The following PRIM2 variants were observed in gnomAD, a reference collection of about 807,000 sequenced individuals.
PRIM2 encodes the protein DNA primase subunit 2.
A neutral mutation model predicts 67.3 loss-of-function variants in PRIM2; 39 were observed. The ratio of observed to expected loss-of-function variants is 0.58; its 90% CI spans 0.45 to 0.76. The LOEUF (loss-of-function observed/expected upper bound fraction) is 0.76. PRIM2 is among the 30% of genes least tolerant of loss of function. The pLI is 0.00. For synonymous variants in PRIM2, 143 were observed against 198.7 expected, an observed-to-expected ratio of 0.72 and a Z score of 2.36; for missense variants, 398 against 598.7, an observed-to-expected ratio of 0.66 and a Z score of 3.50.
chr6:57,622,326 C>T (rs1776873928), intron 12 of PRIM2, among the ~76,000 whole-genome samples: 1 of 152,122 alleles, frequency 6.6e-6, no homozygotes, highest in Admixed American at 6.6e-5. Flanking sequence ...TCTAAAATTA[C>T]AGATATGTCA....
At chr6:57,233,757 C>T in the PRIM2 span, among the ~76,000 whole-genome samples, 4 of 151,328 alleles carry the variant, frequency 2.6e-5, no homozygotes, top group Non-Finnish European at 2.9e-5. Flanking sequence ...TCAAGTGATT[C>T]GATCCTTCTG....
At position 57,438,134 on chromosome 6, in the gene PRIM2, A is replaced by G. The variant is rs548382634; in HGVS notation, c.693+55966A>G. ...CGTCTTTTGTTTAAAAGAATCAACT[A>G]AAAATCCATTAGATATTTTTCTCAA... On this transcript the variant is annotated intron_variant, in intron 7 of 13. Coordinates refer to ENST00000615550, the MANE Select transcript of PRIM2 (RefSeq NM_000947.5). 2.0e-5 allele frequency among the ~76,000 whole-genome samples: 3 copies of G among 152,340 alleles called. No homozygotes were observed. In the East Asian group the frequency reaches 5.8e-4, roughly 29 times the overall value.
intron 7 of PRIM2, among the ~76,000 whole-genome samples, chr6:57,384,336 A>G (rs1770061060): frequency 6.6e-6 from 1 of 152,126 alleles, no homozygotes; most frequent in South Asian, 2.1e-4. Context: ...AAGTCTTCAC[A>G]TGGCATTCAC....
At chr6:57,593,717 A>G (rs1776320878) in intron 10 of PRIM2, among the ~76,000 whole-genome samples, 1 of 152,256 alleles carries the variant, frequency 6.6e-6, no homozygotes, top group Admixed American at 6.5e-5. Context: ...TATTTGTTGA[A>G]TTTGTAAATT....
chr6:57,560,884 T>C (rs1775614024), intron 10 of PRIM2, among the ~76,000 whole-genome samples: 1 of 152,176 alleles, frequency 6.6e-6, no homozygotes, highest in African/African-American at 2.4e-5. Flanking sequence ...GTTAGCATAA[T>C]TCGTAAGGGC....
chr6:57,325,997 G>A lies in PRIM2; in HGVS notation c.411G>A (p.Lys137=). The change falls in exon 5 of 14, where the codon AAG becomes AAA. Residue 137 remains lysine (K), a synonymous_variant. Coordinates refer to ENST00000615550, the MANE Select transcript of PRIM2 (RefSeq NM_000947.5). ...GATTTAGATTTAGTATTTTACCCAA[G>A]GATAAAATTCAGGATTTCTTAAAGG... ...LLRFRFSILP[K]DKIQDFLKDS... is the part of the protein sequence containing the mutation. 1.2e-6 allele frequency: 2 copies of A among 1,612,708 alleles called. No individual in the cohort carries two copies. Among genetic ancestry groups the A allele is most frequent in the Non-Finnish European group, 1.7e-6 (2 of 1,179,504 alleles).
the PRIM2 span, among the ~76,000 whole-genome samples, chr6:57,231,047 A>G: frequency 2.6e-5 from 4 of 152,226 alleles, no homozygotes; most frequent in Admixed American, 2.6e-4. Flanking sequence ...TGGTGAGGAC[A>G]TTTGAAATGT....
At chr6:57,614,236 CTAA>C (rs1776715017) in intron 12 of PRIM2, among the ~76,000 whole-genome samples, 1 of 152,176 alleles carries the variant, frequency 6.6e-6, no homozygotes, top group African/African-American at 2.4e-5. Context: ...GAGAATCGAA[CTAA>C]TAATGTCTGA....
At chr6:57,352,721 G>GT (rs1357831534) in intron 5 of PRIM2, among the ~76,000 whole-genome samples, 1 of 123,048 alleles carries the variant, frequency 8.1e-6, no homozygotes, top group Non-Finnish European at 1.9e-5. Context: ...ATCTGGCACC[G>GT]TTTTTTAGTT....
chr6:57,485,590 G>C (rs1401284923), intron 7 of PRIM2, among the ~76,000 whole-genome samples: 2 of 152,312 alleles, frequency 1.3e-5, no homozygotes, highest in East Asian at 3.9e-4. Flanking sequence ...AGGTCTCTAA[G>C]ACAGAGTAGA....
chr6:57,569,628 G>A (rs1655527540), intron 10 of PRIM2, among the ~76,000 whole-genome samples: 1 of 151,976 alleles, frequency 6.6e-6, no homozygotes, highest in African/African-American at 2.4e-5. Flanking sequence ...AATAGAATTT[G>A]AACATAAACT....
At chr6:57,456,186 T>C (rs1252181398) in intron 7 of PRIM2, among the ~76,000 whole-genome samples, 1 of 152,216 alleles carries the variant, frequency 6.6e-6, no homozygotes, top group African/African-American at 2.4e-5. Flanking sequence ...CCTTTGTGGG[T>C]AACCCGACCT....
the PRIM2 span, among the ~76,000 whole-genome samples, chr6:57,268,840 G>T: frequency 7.4e-6 from 1 of 135,606 alleles, no homozygotes; most frequent in African/African-American, 2.8e-5. Flanking sequence ...GTGTCCATGT[G>T]TTCTCATTGT....
chr6:57,544,920 A>T (rs1339740824), intron 10 of PRIM2, among the ~76,000 whole-genome samples: 5 of 152,234 alleles, frequency 3.3e-5, no homozygotes, highest in Admixed American at 2.0e-4. Context: ...TTATTTATTT[A>T]TATTTTGCTG....
At chr6:57,334,275 G>GTA (rs1348422394) in intron 5 of PRIM2, among the ~76,000 whole-genome samples, 3 of 151,816 alleles carry the variant, frequency 2.0e-5, no homozygotes, top group African/African-American at 7.3e-5. Context: ...ATTCCGTTAT[G>GTA]TATATATATT....
intron 12 of PRIM2, among the ~76,000 whole-genome samples, chr6:57,630,714 T>C (rs1452290137): frequency 1.3e-5 from 2 of 152,134 alleles, no homozygotes; most frequent in African/African-American, 4.8e-5. Context: ...TCTTTACTTC[T>C]CCAAAATTCT....
the PRIM2 span, among the ~76,000 whole-genome samples, chr6:57,276,906 A>C: frequency 6.6e-6 from 1 of 151,982 alleles, no homozygotes; most frequent in African/African-American, 2.4e-5. Flanking sequence ...AAAAGATATA[A>C]TGATATATGA....
the PRIM2 span, among the ~76,000 whole-genome samples, chr6:57,297,986 C>T: frequency 6.6e-6 from 1 of 152,182 alleles, no homozygotes; most frequent in Admixed American, 6.5e-5. Flanking sequence ...TTGGGGATAG[C>T]TGAAGGTCGA....
At chr6:57,615,777 C>A (rs1378731889) in intron 12 of PRIM2, among the ~76,000 whole-genome samples, 1 of 152,130 alleles carries the variant, frequency 6.6e-6, no homozygotes, top group East Asian at 1.9e-4. Context: ...ACCTGTAGTT[C>A]TAGCTGTTTG....
Sources: gnomAD v4.1 joint callset for allele counts (sites outside exome capture counted in the v4.1 genomes callset) on GRCh38, gnomAD v4.1.1 for gene constraint, MANE v1.5 for transcripts, NCBI Gene and HGNC (gene_info 2026-07-23, HGNC 2026-07-21) for gene names.